Variants in ZNF385D observed in about 807,000 individuals in gnomAD.
The protein encoded by ZNF385D is zinc finger protein 659.
ZNF385D carries 15 observed loss-of-function variants against 35.8 expected under a neutral mutation model. That is an observed-to-expected ratio of 0.42 (90% CI 0.28 to 0.64). ZNF385D has a LOEUF of 0.64. Ranked by LOEUF, ZNF385D falls within the 30% of genes least tolerant of loss-of-function variation. The probability of loss-of-function intolerance (pLI) is 0.23; values close to 1 mark genes in which losing one functional copy is unlikely to be tolerated. For synonymous variants in ZNF385D, 212 were observed against 186.8 expected (o/e 1.13, Z -1.10); for missense variants, 474 against 494.6 (o/e 0.96, Z 0.39).
At chr3:21,711,474 G>A (rs2130505) in intron 1 of ZNF385D, among the ~76,000 whole-genome samples, 103,520 of 152,006 alleles carry the variant, frequency 0.68, 35,305 homozygotes, top group Admixed American at 0.73. Context: ...CACCTCACTC[G>A]CTTCAACACA....
intron 3 of ZNF385D, among the ~76,000 whole-genome samples, chr3:21,543,203 CAG>C: frequency 6.6e-6 from 1 of 152,232 alleles, no homozygotes; most frequent in East Asian, 1.9e-4. Flanking sequence ...CTCAGCTACA[CAG>C]GGGGCTGAGG....
chr3:21,881,894 A>G (rs897307415), intron 3 of ZNF385D, among the ~76,000 whole-genome samples: 6 of 152,042 alleles, frequency 3.9e-5, no homozygotes, highest in Non-Finnish European at 7.4e-5. Flanking sequence ...AAGTAACTGC[A>G]TATGTGATGG....
At chr3:21,675,876 T>C (rs987073261) in intron 1 of ZNF385D, among the ~76,000 whole-genome samples, 1 of 152,108 alleles carries the variant, frequency 6.6e-6, no homozygotes, top group Admixed American at 6.6e-5. Context: ...TTATTTTGCC[T>C]GCATAGTTTA....
intron 4 of ZNF385D, among the ~76,000 whole-genome samples, chr3:21,469,795 A>T (rs1824213): frequency 1.3e-5 from 2 of 151,856 alleles, no homozygotes; most frequent in East Asian, 1.9e-4. Context: ...TGGAACTAAC[A>T]GTATTTAAAC....
At chr3:21,663,269 T>C (rs2066291910) in intron 2 of ZNF385D, among the ~76,000 whole-genome samples, 1 of 152,222 alleles carries the variant, frequency 6.6e-6, no homozygotes, top group African/African-American at 2.4e-5. Context: ...ATCTTTGTTT[T>C]ATGTTAAATG....
chr3:22,103,048 AAAGTC>A (rs1559370652), intron 3 of ZNF385D, among the ~76,000 whole-genome samples: 2 of 151,430 alleles, frequency 1.3e-5, no homozygotes, highest in African/African-American at 4.8e-5. Context: ...TTATGCAACT[AAAGTC>A]AAGACTGATT....
chr3:22,119,859 A>AT (rs1286139055), intron 3 of ZNF385D, among the ~76,000 whole-genome samples: 1 of 151,520 alleles, frequency 6.6e-6, no homozygotes, highest in African/African-American at 2.4e-5. Context: ...TAATTTTTTC[A>AT]TTTTTTGAGA....
intron 4 of ZNF385D, among the ~76,000 whole-genome samples, chr3:21,502,590 T>C (rs532845633): frequency 6.6e-6 from 1 of 152,302 alleles, no homozygotes; most frequent in East Asian, 1.9e-4. Flanking sequence ...GAACAGAATA[T>C]AATATTTTGT....
At chr3:22,149,387 A>C (rs1279623196) in intron 3 of ZNF385D, among the ~76,000 whole-genome samples, 1 of 152,202 alleles carries the variant, frequency 6.6e-6, no homozygotes, top group African/African-American at 2.4e-5. Flanking sequence ...TACCCTATTT[A>C]ATGTTAAAAT....
intron 2 of ZNF385D, among the ~76,000 whole-genome samples, chr3:22,347,977 C>T (rs1275704655): frequency 6.6e-6 from 1 of 151,968 alleles, no homozygotes; most frequent in African/African-American, 2.4e-5. Flanking sequence ...TGAATAAATT[C>T]CTGAAGAAAT....
Position 22,090,029 on chromosome 3 carries a change from AG to A in ZNF385D, c.325+78787del, listed in dbSNP as rs767779167. 5.2e-4 allele frequency among the ~76,000 whole-genome samples: 79 copies of A among 152,110 alleles called. 1 individual carries two copies. Among genetic ancestry groups the A allele is most frequent in the Non-Finnish European group, 1.0e-4 (7 of 67,966 alleles). On this transcript the variant is annotated intron_variant, in intron 3 of 5. Coordinates refer to the ZNF385D transcript ENST00000494108. ...AATTTTTTTGCATTTTAGTAGAGAC[AG>A]GGTTTCACCATGTTGGCCAGGATGG...
chr3:21,981,342 T>C (rs1342955337), intron 3 of ZNF385D, among the ~76,000 whole-genome samples: 1 of 152,144 alleles, frequency 6.6e-6, no homozygotes, highest in Non-Finnish European at 1.5e-5. Flanking sequence ...TTTTTCAATA[T>C]GCTTGGATGG....
chr3:22,280,577 G>C (rs1056340141), intron 2 of ZNF385D, among the ~76,000 whole-genome samples: 1 of 152,030 alleles, frequency 6.6e-6, no homozygotes, highest in Non-Finnish European at 1.5e-5. Context: ...TCAATTGGCT[G>C]TAAGTATTTG....
intron 2 of ZNF385D, among the ~76,000 whole-genome samples, chr3:21,600,857 C>A (rs1340924237): frequency 6.8e-6 from 1 of 146,834 alleles, no homozygotes. Context: ...TAAAGATAAA[C>A]TTGAGATTCT....
intron 3 of ZNF385D, among the ~76,000 whole-genome samples, chr3:22,109,082 G>A (rs1302876379): frequency 6.6e-6 from 1 of 152,082 alleles, no homozygotes; most frequent in Non-Finnish European, 1.5e-5. Context: ...GTAATTATTT[G>A]TCTCCATCTA....
intron 2 of ZNF385D, among the ~76,000 whole-genome samples, chr3:22,293,322 T>A (rs1390862728): frequency 6.6e-6 from 1 of 152,134 alleles, no homozygotes; most frequent in African/African-American, 2.4e-5. Flanking sequence ...CTCATCTCAA[T>A]TAGTGATCCC....
At chr3:21,867,842 T>C (rs943787416) in intron 3 of ZNF385D, among the ~76,000 whole-genome samples, 24 of 152,196 alleles carry the variant, frequency 1.6e-4, no homozygotes, top group Admixed American at 4.6e-4. Context: ...ATGTTCTCTA[T>C]CTAGTCACAT....
chr3:22,329,582 GT>G (rs1234516162), intron 2 of ZNF385D, among the ~76,000 whole-genome samples: 10 of 152,048 alleles, frequency 6.6e-5, no homozygotes, highest in Non-Finnish European at 1.3e-4. Context: ...TTTGTCAATT[GT>G]AGAAAAAAAT....
At chr3:22,046,133 C>G (rs905599355) in intron 3 of ZNF385D, among the ~76,000 whole-genome samples, 1 of 152,074 alleles carries the variant, frequency 6.6e-6, no homozygotes, top group African/African-American at 2.4e-5. Flanking sequence ...CTGTGGGCAG[C>G]AGGAGATCTG....
Sources: allele counts gnomAD v4.1 joint callset (sites outside exome capture counted in the v4.1 genomes callset), GRCh38; gene constraint gnomAD v4.1.1; transcripts MANE v1.5; gene names NCBI Gene and HGNC (gene_info 2026-07-23, HGNC 2026-07-21).